PITPNC1: variants seen among roughly 807,000 people sequenced by gnomAD.
PITPNC1 encodes the protein phosphatidylinositol transfer protein cytoplasmic 1.
Under a neutral mutation model 44.7 loss-of-function variants are expected in PITPNC1, and 18 were observed. That is an observed-to-expected ratio of 0.40 (90% CI 0.28 to 0.60). The LOEUF is 0.60. PITPNC1 is among the 20% of genes least tolerant of loss of function. The pLI is 0.39. For synonymous variants in PITPNC1, 141 were observed against 149.6 expected, an observed-to-expected ratio of 0.94 and a Z score of 0.42; for missense variants, 290 against 418.4, an observed-to-expected ratio of 0.69 and a Z score of 2.68.
At chr17:67,471,596 C>T (rs1194220364) in intron 1 of PITPNC1, 2 of 361,780 alleles carry the variant, frequency 5.5e-6, no homozygotes, top group Non-Finnish European at 5.3e-6. Flanking sequence ...TCTGGATTTG[C>T]AATTATTCTG....
At chr17:67,424,690 T>TG (rs2038719781) in intron 1 of PITPNC1, among the ~76,000 whole-genome samples, 1 of 151,810 alleles carries the variant, frequency 6.6e-6, no homozygotes, top group Non-Finnish European at 1.5e-5. Flanking sequence ...TATACAAAAC[T>TG]GAGCTGAGGA....
At chr17:67,652,171 T>C (rs1475538979) in intron 6 of PITPNC1, among the ~76,000 whole-genome samples, 3 of 152,172 alleles carry the variant, frequency 2.0e-5, no homozygotes, top group Admixed American at 6.5e-5. Context: ...GTGGTTCAAA[T>C]TGAGAGTGTA....
At chr17:67,388,951 G>T (rs1456762842) in intron 1 of PITPNC1, among the ~76,000 whole-genome samples, 1 of 152,196 alleles carries the variant, frequency 6.6e-6, no homozygotes, top group Non-Finnish European at 1.5e-5. Context: ...AAACTCAGTG[G>T]CTTACAATAA....
intron 4 of PITPNC1, among the ~76,000 whole-genome samples, chr17:67,557,725 CTT>C (rs2040857767): frequency 6.6e-6 from 1 of 152,216 alleles, no homozygotes; most frequent in South Asian, 2.1e-4. Flanking sequence ...AGAACCCACC[CTT>C]GACTCTGACT....
chr17:67,451,662 A>G (rs1403601468), intron 1 of PITPNC1, among the ~76,000 whole-genome samples: 1 of 150,138 alleles, frequency 6.7e-6, no homozygotes, highest in Non-Finnish European at 1.5e-5. Context: ...TTTTTGAGAC[A>G]GAGTCTCGCT....
At chr17:67,660,158 C>T (rs2042322869) in intron 6 of PITPNC1, among the ~76,000 whole-genome samples, 1 of 152,228 alleles carries the variant, frequency 6.6e-6, no homozygotes, top group Admixed American at 6.5e-5. Flanking sequence ...GCTAGGATTA[C>T]AGGCATGAGG....
chr17:67,403,917 G>T (rs1446690176), intron 1 of PITPNC1, among the ~76,000 whole-genome samples: 1 of 152,174 alleles, frequency 6.6e-6, no homozygotes, highest in Non-Finnish European at 1.5e-5. Flanking sequence ...AGCTACTTGG[G>T]AGGCTGAGGC....
chr17:67,555,892 A>G (rs2040832650), intron 4 of PITPNC1, among the ~76,000 whole-genome samples: 1 of 152,130 alleles, frequency 6.6e-6, no homozygotes, highest in Non-Finnish European at 1.5e-5. Context: ...ATTAGGCATC[A>G]GTGAGGTACA....
Position 67,692,214 on chromosome 17 carries a change from C to T in PITPNC1, c.683-358C>T, listed in dbSNP as rs2042940192. Among the ~76,000 whole-genome samples the T allele has an allele frequency of 2.0e-5, 3 of 152,098 alleles. No individual in the cohort carries two copies. In the South Asian group the frequency reaches 6.2e-4, roughly 32 times the overall value. On this transcript the variant is annotated intron_variant, in intron 8 of 8. Coordinates refer to ENST00000581322, the MANE Select transcript of PITPNC1 (RefSeq NM_012417.4). ...AGCTCCAAATACCCCACACCAGACCCACAACAACACAGATGCACACGGGTG... is the reference window on the plus strand; with the variant it reads ...AGCTCCAAATACCCCACACCAGACCTACAACAACACAGATGCACACGGGTG...
At chr17:67,667,854 C>G (rs961105476) in intron 6 of PITPNC1, among the ~76,000 whole-genome samples, 1 of 151,982 alleles carries the variant, frequency 6.6e-6, no homozygotes, top group African/African-American at 2.4e-5. Context: ...GTGGCGGGTG[C>G]CTGTGATCCC....
chr17:67,443,031 C>T lies in PITPNC1; in HGVS notation c.48+64829C>T, dbSNP rs144858738. Among the ~76,000 whole-genome samples the T allele has an allele frequency of 2.2e-3, 332 of 152,126 alleles. 3 individuals carry two copies. Among genetic ancestry groups the T allele is most frequent in the African/African-American group, 7.7e-3 (318 of 41,546 alleles). ...ACACAGCTGCCAGTTACCTTCCTAA[C>T]AGACGACCAGTGATCATGTCACTTT... On this transcript the variant is annotated intron_variant, in intron 1 of 8. Transcript: ENST00000581322.
rs771509022 is a variant in PITPNC1 at position 67,443,737 on chromosome 17, C to T, written c.48+65535C>T. On this transcript the variant is annotated intron_variant, in intron 1 of 8. Coordinates refer to ENST00000581322, the MANE Select transcript of PITPNC1 (RefSeq NM_012417.4). ...GCAACCTCTGCCCCCAGGGTTCAAG[C>T]GATTCTCCTGCCTCAGCCTCCTGAG... is the stretch of plus-strand genomic sequence containing the variant. Among the ~76,000 whole-genome samples the T allele has an allele frequency of 5.9e-4, 88 of 148,204 alleles. 1 individual carries two copies. The highest frequency in any genetic ancestry group is 1.1e-3 in the Non-Finnish European group (72 of 67,522).
intron 1 of PITPNC1, among the ~76,000 whole-genome samples, chr17:67,496,976 G>GA (rs2039960091): frequency 6.6e-6 from 1 of 151,750 alleles, no homozygotes; most frequent in Non-Finnish European, 1.5e-5. Flanking sequence ...ATAAATGTGA[G>GA]AAAACCAGGC....
At chr17:67,602,754 G>A (rs536046489) in intron 5 of PITPNC1, among the ~76,000 whole-genome samples, 1 of 151,916 alleles carries the variant, frequency 6.6e-6, no homozygotes, top group Non-Finnish European at 1.5e-5. Flanking sequence ...TTGGTGGTTG[G>A]GGGGATGGAT....
At chr17:67,389,107 C>T (rs1399256893) in intron 1 of PITPNC1, among the ~76,000 whole-genome samples, 1 of 152,214 alleles carries the variant, frequency 6.6e-6, no homozygotes, top group Admixed American at 6.5e-5. Context: ...CTTCAGGGTT[C>T]ACATGGTTGT....
chr17:67,581,798 C>T (rs532434903), intron 5 of PITPNC1, among the ~76,000 whole-genome samples: 1 of 152,282 alleles, frequency 6.6e-6, no homozygotes, highest in South Asian at 2.1e-4. Context: ...CTTTGGGAGG[C>T]TGAGGTGGGT....
At chr17:67,586,028 G>A (rs952377321) in intron 5 of PITPNC1, among the ~76,000 whole-genome samples, 1 of 152,170 alleles carries the variant, frequency 6.6e-6, no homozygotes, top group Non-Finnish European at 1.5e-5. Context: ...AATGCAGGGA[G>A]CAAAGGCCCT....
intron 6 of PITPNC1, among the ~76,000 whole-genome samples, chr17:67,657,648 A>G (rs901775996): frequency 6.6e-6 from 1 of 152,172 alleles, no homozygotes; most frequent in African/African-American, 2.4e-5. Context: ...CTTAAAAATT[A>G]TATTCTTAAT....
intron 1 of PITPNC1, among the ~76,000 whole-genome samples, chr17:67,477,640 T>C (rs1056548553): frequency 7.9e-5 from 12 of 151,672 alleles, no homozygotes; most frequent in Non-Finnish European, 1.6e-4. Context: ...CCTTAAGTGA[T>C]CCTCCACCTC....
Sources: gnomAD v4.1 joint callset for allele counts (sites outside exome capture counted in the v4.1 genomes callset) on GRCh38, gnomAD v4.1.1 for gene constraint, MANE v1.5 for transcripts, NCBI Gene and HGNC (gene_info 2026-07-23, HGNC 2026-07-21) for gene names.